PI4KA: variants seen among roughly 807,000 people sequenced by gnomAD.
PI4KA encodes the protein PI4-kinase alpha.
In PI4KA, 122 loss-of-function variants were observed where a neutral mutation model predicts 271.4. The ratio of observed to expected loss-of-function variants is 0.45; its 90% confidence interval spans 0.39 to 0.52. PI4KA has a LOEUF of 0.52. Among genes scored for constraint, PI4KA ranks in the 20% least tolerant of loss-of-function variants. The probability of loss-of-function intolerance (pLI) is 0.00; values close to 1 mark genes in which losing one functional copy is unlikely to be tolerated. For missense variants in PI4KA, 1,969 were observed against 2,769.1 expected, an observed-to-expected ratio of 0.71 and a Z score of 6.48; for synonymous variants, 1,041 against 1,078.8, an observed-to-expected ratio of 0.96 and a Z score of 0.69.
rs550148990 is a variant in PI4KA at position 20,717,313 on chromosome 22, TG to T, written c.5317+394del. Among the ~76,000 whole-genome samples the T allele has an allele frequency of 3.5e-3, 534 of 152,072 alleles. 2 individuals carry two copies. Among genetic ancestry groups the T allele is most frequent in the Non-Finnish European group, 5.5e-3 (375 of 67,958 alleles). On this transcript the variant is annotated intron_variant, in intron 45 of 54. Transcript: ENST00000255882. ...CAGGAGCGACTTCCCATGGAGGCGG[TG>T]GGGGGGTGGTGCTGATGGGTCCCAG...
chr22:20,830,074 G>C (rs574555716), intron 3 of PI4KA, among the ~76,000 whole-genome samples: 4 of 152,180 alleles, frequency 2.6e-5, no homozygotes, highest in Non-Finnish European at 4.4e-5. Flanking sequence ...TGATTTTAGA[G>C]TATGTTGCAT....
At chr22:20,784,023 G>T (rs142500721) in intron 19 of PI4KA, 1 of 1,614,090 alleles carries the variant, frequency 6.2e-7, no homozygotes, top group African/African-American at 1.3e-5. Flanking sequence ...CACAACTTCC[G>T]GCTGAATGAG....
At chr22:20,824,762 ACACACACACACACACAC>A in intron 3 of PI4KA, among the ~76,000 whole-genome samples, 1 of 151,622 alleles carries the variant, frequency 6.6e-6, no homozygotes, top group African/African-American at 2.4e-5. Context: ...ACACACACAC[ACACACACACACACACAC>A]AAAACACTCG....
At position 20,742,212 on chromosome 22, in the gene PI4KA, G is replaced by A. The variant is rs373715980; in HGVS notation, c.3741+16C>T. On this transcript the variant is annotated intron_variant, in intron 32 of 54. Coordinates refer to ENST00000255882, the MANE Select transcript of PI4KA (RefSeq NM_058004.4). ...CCCATCCCATCCTCACTGCCAACCC[G>A]AGGTCAGGGTCCTACCGGCACTTCC... 1.3e-5 allele frequency: 21 copies of A among 1,612,544 alleles called. No homozygotes were observed. The African/African-American group carries it at 1.3e-4, about 10-fold the overall frequency.
At chr22:20,739,417 T>C (rs1929140202) in intron 32 of PI4KA, among the ~76,000 whole-genome samples, 1 of 149,498 alleles carries the variant, frequency 6.7e-6, no homozygotes, top group South Asian at 2.1e-4. Flanking sequence ...CAGAATCACT[T>C]GAGCTCAGGA....
Position 20,729,906 on chromosome 22 carries a change from A to G in PI4KA, c.4394T>C (p.Ile1465Thr). ...CTCCCACCGACCTGATTTCTTGGAG[A>G]TGGTGGACATGCCGCTGGACAGGGG... ...TYPLSSGMST[I>T]SKKSGMSKKT... The change falls in exon 37 of 55, where the codon ATC becomes ACC. Residue 1465 changes from isoleucine (I) to threonine (T), a missense_variant. By Grantham distance (89) the Ile-to-Thr change is moderately conservative. Coordinates refer to ENST00000255882, the MANE Select transcript of PI4KA (RefSeq NM_058004.4). 1.2e-6 allele frequency: 2 copies of G among 1,614,092 alleles called. No individual in the cohort carries two copies. Among genetic ancestry groups the G allele is most frequent in the Middle Eastern group, 3.3e-4 (2 of 6,060 alleles).
chr22:20,760,169 A>G (rs1318646737), intron 23 of PI4KA, among the ~76,000 whole-genome samples: 1 of 152,254 alleles, frequency 6.6e-6, no homozygotes, highest in African/African-American at 2.4e-5. Context: ...TCAAGAATTT[A>G]TCAATAAGCA....
At chr22:20,850,814 G>C (rs1168819461) in intron 1 of PI4KA, among the ~76,000 whole-genome samples, 2 of 152,100 alleles carry the variant, frequency 1.3e-5, no homozygotes, top group African/African-American at 4.8e-5. Context: ...GCTGAGGTGA[G>C]TGGATCACTT....
chr22:20,765,298 G>C, intron 20 of PI4KA, 62 bp from the exon 21 acceptor site: 1 of 1,495,796 alleles, frequency 6.7e-7, no homozygotes, highest in Non-Finnish European at 9.1e-7. Flanking sequence ...CAGTGAGGTT[G>C]ACTGACAATT....
At chr22:20,851,482 C>T (rs181317002) in intron 1 of PI4KA, among the ~76,000 whole-genome samples, 3 of 152,218 alleles carry the variant, frequency 2.0e-5, no homozygotes, top group Non-Finnish European at 2.9e-5. Flanking sequence ...GGCTTACAGG[C>T]GCACACCACC....
intron 19 of PI4KA, among the ~76,000 whole-genome samples, chr22:20,788,334 C>T (rs1489396703): frequency 6.6e-6 from 1 of 152,144 alleles, no homozygotes; most frequent in African/African-American, 2.4e-5. Context: ...CCCATGAGAC[C>T]AATACCAGTA....
intron 6 of PI4KA, 38 bp downstream of exon 6, chr22:20,819,603 C>G (rs1922336312): frequency 6.3e-7 from 1 of 1,587,660 alleles, no homozygotes; most frequent in Admixed American, 1.8e-5. Context: ...TTAACAGGGT[C>G]TTTCTCCTCT....
At chr22:20,765,545 C>G (rs1932443594) in intron 20 of PI4KA, 40 bp downstream of exon 20, 2 of 1,365,244 alleles carry the variant, frequency 1.5e-6, no homozygotes, top group East Asian at 4.7e-5. Context: ...TACCTTCACT[C>G]TGCACTCCGT....
At position 20,742,293 on chromosome 22, in the gene PI4KA, C is replaced by T; in HGVS notation, c.3676G>A (p.Gly1226Ser). ...WGPLRMFNEH[G>S]METALACWEW... ...CAGCAGGCCAGGGCCGTCTCCATGCCATGCTCATTGAACATCCGGAGGGGA... is the reference window on the plus strand; with the variant it reads ...CAGCAGGCCAGGGCCGTCTCCATGCTATGCTCATTGAACATCCGGAGGGGA... Residue 1226 changes from glycine to serine, a missense_variant, in exon 32 of 55, where the codon GGC becomes AGC. Coordinates refer to ENST00000255882, the MANE Select transcript of PI4KA (RefSeq NM_058004.4). The T allele has an allele frequency of 1.2e-6, 2 of 1,614,222 alleles. No individual in the cohort carries two copies. Among genetic ancestry groups the T allele is most frequent in the Non-Finnish European group, 8.5e-7 (1 of 1,180,036 alleles).
chr22:20,770,476 G>A (rs1932817394), intron 19 of PI4KA, among the ~76,000 whole-genome samples: 1 of 139,118 alleles, frequency 7.2e-6, no homozygotes, highest in Non-Finnish European at 1.5e-5. Context: ...TTGAGCCACT[G>A]CACTCCAGCC....
chr22:20,858,544 C>T (rs1021079722), intron 1 of PI4KA, 26 bp downstream of exon 1: 14 of 1,349,928 alleles, frequency 1.0e-5, no homozygotes, highest in African/African-American at 3.0e-5. Flanking sequence ...CTCCTGTCAG[C>T]CCGCGGCCCA....
At chr22:20,841,614 C>G (rs1472344235) in intron 1 of PI4KA, among the ~76,000 whole-genome samples, 1 of 152,180 alleles carries the variant, frequency 6.6e-6, no homozygotes. Context: ...ACTGGCATGT[C>G]AGGCAGAATA....
chr22:20,841,817 T>C (rs952308272), intron 1 of PI4KA, among the ~76,000 whole-genome samples: 1 of 151,356 alleles, frequency 6.6e-6, no homozygotes, highest in Non-Finnish European at 1.5e-5. Context: ...GAAGAGGGAG[T>C]CAGAGTGATG....
chr22:20,715,102 ACT>A (rs1925812782), intron 45 of PI4KA, among the ~76,000 whole-genome samples: 1 of 145,786 alleles, frequency 6.9e-6, no homozygotes, highest in African/African-American at 2.5e-5. Context: ...ATAGAGTCTC[ACT>A]CTGTCACCCA....
Sources: allele counts gnomAD v4.1 joint callset (sites outside exome capture counted in the v4.1 genomes callset), GRCh38; gene constraint gnomAD v4.1.1; transcripts MANE v1.5; gene names NCBI Gene and HGNC (gene_info 2026-07-23, HGNC 2026-07-21).